The following KCP variants were observed in gnomAD, a reference collection of about 807,000 sequenced individuals.
The protein encoded by KCP is kielin/chordin-like protein.
A neutral mutation model predicts 212.7 loss-of-function variants in KCP; 194 were observed. That is an observed-to-expected ratio of 0.91 (90% CI 0.81 to 1.03). KCP has a LOEUF of 1.03. Among genes scored for constraint, KCP ranks in the 50% least tolerant of loss-of-function variants. The pLI, the probability that KCP is intolerant of heterozygous loss-of-function variation, is 0.00. For synonymous variants in KCP, 833 were observed against 865.3 expected (o/e 0.96, Z 0.65); for missense variants, 2,080 against 2,162.5 (o/e 0.96, Z 0.76).
intron 34 of KCP, 132 bp downstream of exon 34, chr7:128,880,254 A>G: frequency 1.5e-6 from 2 of 1,307,940 alleles, no homozygotes; most frequent in Non-Finnish European, 2.1e-6. Flanking sequence ...TCGCACTGGG[A>G]ACAGCACTGT....
Position 128,886,962 on chromosome 7 carries a change from C to T in KCP, c.2603G>A (p.Gly868Asp), listed in dbSNP as rs181260229. 1.1e-5 allele frequency: 16 copies of T among 1,501,104 alleles called. No homozygotes were observed. The highest frequency in any genetic ancestry group is 7.4e-5 in the East Asian group (3 of 40,726). 93.0% of individuals were successfully genotyped at this position (1,501,104 alleles called of 1,614,324 possible). A position where few individuals can be genotyped will look rare whatever the true frequency, so the allele number is the denominator to read the frequency against. The change falls in exon 24 of 40, where the codon GGT (glycine) becomes GAT (aspartate). Residue 868 changes from glycine (G) to aspartate (D), a missense_variant. Coordinates refer to ENST00000610776, the MANE Select transcript of KCP (RefSeq NM_001366122.1). ...PTCSLCTCQE[G>D]SMRCQKKPCP... ...TGGCTTCTTCTGGCAGCGCATGGAA[C>T]CTTCCTGGGGGAGAGAGGCCCATCA...
rs1323137295 is a variant in KCP, at chr7:128,886,910, G to C, written c.2655C>G (p.Pro885=). The part of the protein sequence containing the change: ...KPCPPALCPH[P]SPGPCFCPVC... ...CAGGGCAGAAGCAGGGGCCTGGAGA[G>C]GGGTGGGGGCAGAGAGCTGGGGGAC... The change falls in exon 24 of 40, where the codon CCC becomes CCG. Residue 885 remains proline, a synonymous_variant. Coordinates refer to ENST00000610776, the MANE Select transcript of KCP (RefSeq NM_001366122.1). 6.5e-7 allele frequency: 1 copy of C among 1,531,970 alleles called. No homozygotes were observed. Among genetic ancestry groups the C allele is most frequent in the Non-Finnish European group, 8.8e-7 (1 of 1,136,802 alleles). 94.9% of individuals were successfully genotyped at this position (1,531,970 alleles called of 1,614,324 possible).
chr7:128,878,829 G>A (rs947006076), intron 37 of KCP, 107 bp from the exon 38 acceptor site: 2 of 1,166,660 alleles, frequency 1.7e-6, no homozygotes, highest in South Asian at 1.6e-5. Flanking sequence ...CAGTGCTGTA[G>A]GGGAGGAGAA....
rs904760809 is a variant in KCP, at chr7:128,904,271, G to A, written c.572-133C>T. 1.9e-6 allele frequency: 3 copies of A among 1,552,020 alleles called. No individual in the cohort carries two copies. In the Admixed American group the frequency reaches 5.9e-5, roughly 30 times the overall value. Reference sequence around the variant, plus strand: ...GGGATGGCGGGGCAGGGCAGGACAGGGCAGGAGGTCACCGGGCCGGCAGAT... The same window carrying A: ...GGGATGGCGGGGCAGGGCAGGACAGAGCAGGAGGTCACCGGGCCGGCAGAT... On this transcript the variant is annotated intron_variant, in intron 5 of 39. Coordinates refer to ENST00000610776, the MANE Select transcript of KCP (RefSeq NM_001366122.1).
rs73721654 is a variant in KCP at position 128,906,202 on chromosome 7, T to C, written c.571+77A>G. On this transcript the variant is annotated intron_variant, in intron 5 of 39. Coordinates refer to ENST00000610776, the MANE Select transcript of KCP (RefSeq NM_001366122.1). ...AGGCACCCCTGGGCATGTCCCAGAC[T>C]CACTGAGGTGGCAGGCTGTGTCTGT... 3,154 of 1,241,132 alleles carry C rather than the reference T, an allele frequency of 2.5e-3. 75 individuals carry two copies. In the African/African-American group the frequency reaches 0.042, roughly 17 times the overall value. The allele number at this position is 1,241,132 out of a possible 1,614,324, so 76.9% of individuals were successfully genotyped here. A position where few individuals can be genotyped will look rare whatever the true frequency, so the allele number is the denominator to read the frequency against.
intron 1 of KCP, among the ~76,000 whole-genome samples, chr7:128,909,507 C>T (rs550968509): frequency 4.9e-4 from 75 of 152,304 alleles, no homozygotes; most frequent in Admixed American, 9.1e-4. Flanking sequence ...TGGTTAATGC[C>T]ATCACACATA....
chr7:128,905,645 C>G (rs1238805841), intron 5 of KCP, among the ~76,000 whole-genome samples: 1 of 152,238 alleles, frequency 6.6e-6, no homozygotes, highest in Admixed American at 6.5e-5. Flanking sequence ...CAAGCGCCCC[C>G]TTGACCATGC....
chr7:128,891,765 CG>C lies in KCP; in HGVS notation c.1675del (p.Arg559GlufsTer68), dbSNP rs759250203. 2 of 1,448,548 alleles carry C rather than the reference CG, an allele frequency of 1.4e-6. No individual in the cohort carries two copies. Among genetic ancestry groups the C allele is most frequent in the Non-Finnish European group, 1.8e-6 (2 of 1,098,740 alleles). 89.7% of individuals were successfully genotyped at this position (1,448,548 alleles called of 1,614,324 possible). ...FVDGESFSHP[R>X]DPCQECRCQE... is the part of the protein sequence containing the mutation. ...GCATCGGCACTCCTGGCAGGGGTCT[CG>C]GGGGTGGGAGAAGCTCTCGCCGTCC... On this transcript the variant is annotated frameshift_variant, in exon 17 of 40. Coordinates refer to ENST00000610776, the MANE Select transcript of KCP (RefSeq NM_001366122.1). LOFTEE classifies it high-confidence loss of function.
intron 38 of KCP, 33 bp from the exon 39 acceptor site, chr7:128,877,823 A>C: frequency 6.6e-7 from 1 of 1,517,700 alleles, no homozygotes; most frequent in East Asian, 2.5e-5. Flanking sequence ...ACGTGACAGC[A>C]CCACTGGCAG....
chr7:128,888,755 G>T, intron 22 of KCP, 108 bp downstream of exon 22: 1 of 1,089,712 alleles, frequency 9.2e-7, no homozygotes, highest in Non-Finnish European at 1.3e-6. Flanking sequence ...TGAGAGAAAA[G>T]TATGGTGGAG....
At chr7:128,887,671 CCACACACA>C (rs1369160187) in intron 22 of KCP, among the ~76,000 whole-genome samples, 1 of 144,844 alleles carries the variant, frequency 6.9e-6, no homozygotes, top group Non-Finnish European at 1.5e-5. Flanking sequence ...ATACATACAG[CCACACACA>C]CACATACACA....
At chr7:128,899,914 G>A (rs1182005906) in intron 8 of KCP, among the ~76,000 whole-genome samples, 8 of 131,288 alleles carry the variant, frequency 6.1e-5, no homozygotes, top group African/African-American at 2.1e-4. Flanking sequence ...TGGAGAAACC[G>A]GCCTCATACC....
intron 1 of KCP, among the ~76,000 whole-genome samples, chr7:128,909,388 C>T (rs1271685881): frequency 6.6e-6 from 1 of 152,170 alleles, no homozygotes; most frequent in Admixed American, 6.5e-5. Flanking sequence ...GGGTTTCTCA[C>T]AGACACTAGG....
chr7:128,888,516 CCA>C (rs936388217), intron 22 of KCP, among the ~76,000 whole-genome samples: 4 of 140,198 alleles, frequency 2.9e-5, no homozygotes, highest in African/African-American at 5.3e-5. Flanking sequence ...ACACACACAG[CCA>C]CACACAGATA....
intron 7 of KCP, 89 bp from the exon 8 acceptor site, chr7:128,902,948 C>T (rs1794938601): frequency 5.3e-6 from 5 of 950,522 alleles, no homozygotes; most frequent in Non-Finnish European, 6.6e-6. Flanking sequence ...GTCCACATGC[C>T]CTCTGAGGGC....
intron 26 of KCP, 34 bp downstream of exon 26, chr7:128,886,430 C>G: frequency 1.3e-6 from 2 of 1,515,752 alleles, no homozygotes; most frequent in Non-Finnish European, 1.8e-6. Context: ...GGCCAAGGGG[C>G]TGAAGCAAGG....
intron 32 of KCP, 94 bp from the exon 33 acceptor site, chr7:128,880,815 C>A: frequency 2.5e-6 from 1 of 403,372 alleles, no homozygotes; most frequent in South Asian, 1.2e-4. Context: ...CTTCTGCCTG[C>A]CCCTCCCACA....
intron 8 of KCP, among the ~76,000 whole-genome samples, chr7:128,896,442 G>A (rs1257550977): frequency 3.3e-5 from 5 of 152,128 alleles, no homozygotes; most frequent in African/African-American, 9.7e-5. Flanking sequence ...TTGGCACTAC[G>A]GGATGTTAAC....
intron 32 of KCP, 65 bp from the exon 33 acceptor site, chr7:128,880,786 G>A (rs1793281991): frequency 9.9e-6 from 4 of 403,768 alleles, no homozygotes; most frequent in Non-Finnish European, 1.7e-5. Context: ...TCATGCTTCT[G>A]GGGGCCTCTG....
Sources: allele counts gnomAD v4.1 joint callset (sites outside exome capture counted in the v4.1 genomes callset), GRCh38; gene constraint gnomAD v4.1.1; transcripts MANE v1.5; gene names NCBI Gene and HGNC (gene_info 2026-07-23, HGNC 2026-07-21).